Variants in SNAPC1 observed in about 807,000 individuals in gnomAD.
SNAPC1 encodes snRNA-activating protein complex subunit 1.
In SNAPC1, 42 loss-of-function variants were observed where a neutral mutation model predicts 50.1. The ratio of observed to expected loss-of-function variants is 0.84; its 90% CI spans 0.65 to 1.08. The LOEUF (loss-of-function observed/expected upper bound fraction) is 1.08. Ranked by LOEUF, SNAPC1 falls within the 50% of genes least tolerant of loss-of-function variation. The pLI is 0.00. For synonymous variants in SNAPC1, 164 were observed against 144.2 expected, an observed-to-expected ratio of 1.14 and a Z score of -0.98; for missense variants, 477 against 427.3, an observed-to-expected ratio of 1.12 and a Z score of -1.02.
In SNAPC1 at chr14:61,773,791, C is replaced by G. The variant is rs567856373; in HGVS notation, c.535-2304C>G. Among the ~76,000 whole-genome samples, 110 of 151,368 alleles carry G rather than the reference C, an allele frequency of 7.3e-4. 4 individuals are homozygous for G. The South Asian group carries it at 0.022, about 31-fold the overall frequency. ...CTCGGCTCACTGCAGCCTCCACCTC[C>G]CCACCTCCCAGGTTCAAGCGATTCT... is the stretch of plus-strand genomic sequence containing the variant. On this transcript the variant is annotated intron_variant, in intron 4 of 9. Coordinates refer to ENST00000216294, the MANE Select transcript of SNAPC1 (RefSeq NM_003082.4).
chr14:61,766,917 AAGCTTT>A lies in SNAPC1; in HGVS notation c.177_182del (p.Leu61_Ala62del), dbSNP rs1566587004. On this transcript the variant is annotated inframe_deletion, in exon 2 of 10. Coordinates refer to ENST00000216294, the MANE Select transcript of SNAPC1 (RefSeq NM_003082.4). The stretch of plus-strand genomic sequence containing the variant: ...TTAGAAAAGAACATGTTTACAAAAG[AAGCTTT>A]AGCTTTGGCTTGGCGATATTTTTTA... 6.2e-7 allele frequency: 1 copy of A among 1,611,248 alleles called. No homozygotes were observed. Among genetic ancestry groups the A allele is most frequent in the East Asian group, 2.2e-5 (1 of 44,800 alleles).
At chr14:61,768,798 T>G in intron 4 of SNAPC1, 58 bp downstream of exon 4, 1 of 836,136 alleles carries the variant, frequency 1.2e-6, no homozygotes, top group Non-Finnish European at 2.0e-6. Flanking sequence ...GCCAACTACA[T>G]ATTGAGGTTA....
Position 61,762,464 on chromosome 14 carries a change from G to A in SNAPC1, c.4G>A (p.Gly2Arg), listed in dbSNP as rs2044912081. 1.2e-6 allele frequency: 2 copies of A among 1,613,214 alleles called. No individual in the cohort carries two copies. Among genetic ancestry groups the A allele is most frequent in the East Asian group, 2.2e-5 (1 of 44,852 alleles). ...AGGCGTGCGGGCTTCGGGTGCCATG[G>A]GGACTCCTCCCGGCCTGCAGACCGA... MGTPPGLQTDCE... is the reference protein window; with the variant it reads MRTPPGLQTDCE... The change falls in exon 1 of 10, where the codon GGG becomes AGG. Residue 2 changes from glycine (G) to arginine (R), a missense_variant. Gly to Arg is a moderately radical substitution (Grantham distance 125). Coordinates refer to ENST00000216294, the MANE Select transcript of SNAPC1 (RefSeq NM_003082.4).
At chr14:61,779,989 G>A (rs918781273) in intron 7 of SNAPC1, among the ~76,000 whole-genome samples, 12 of 152,170 alleles carry the variant, frequency 7.9e-5, no homozygotes, top group South Asian at 2.1e-4. Context: ...GATTACAGGT[G>A]TGAGCCAGTG....
chr14:61,782,910 C>T (rs2045086930), intron 8 of SNAPC1, among the ~76,000 whole-genome samples: 1 of 149,174 alleles, frequency 6.7e-6, no homozygotes, highest in South Asian at 2.1e-4. Flanking sequence ...TCAAAACAAA[C>T]AAACAAAAAA....
In SNAPC1 at chr14:61,762,524, G is replaced by A; in HGVS notation, c.64G>A (p.Asp22Asn). 2 of 1,513,138 alleles carry A rather than the reference G, an allele frequency of 1.3e-6. No individual in the cohort carries two copies. The highest frequency in any genetic ancestry group is 1.8e-6 in the Non-Finnish European group (2 of 1,137,976). The allele number at this position is 1,513,138 out of a possible 1,614,324, so 93.7% of individuals were successfully genotyped here. Residue 22 changes from aspartate to asparagine, a missense_variant, in exon 1 of 10, where the codon GAC (aspartate) becomes AAC (asparagine). Coordinates refer to ENST00000216294, the MANE Select transcript of SNAPC1 (RefSeq NM_003082.4). Reference sequence around the variant, plus strand: ...GCTGCTCAGCCGCTTCCAGGAGACGGACAGTGTACGCTTCGAGGACTTCAC... The same window carrying A: ...GCTGCTCAGCCGCTTCCAGGAGACGAACAGTGTACGCTTCGAGGACTTCAC... ...EALLSRFQETDSVRFEDFTEL... is the reference protein window; with the variant it reads ...EALLSRFQETNSVRFEDFTEL...
At chr14:61,764,680 GA>G (rs1008169137) in intron 1 of SNAPC1, among the ~76,000 whole-genome samples, 13 of 152,084 alleles carry the variant, frequency 8.5e-5, no homozygotes, top group Non-Finnish European at 1.3e-4. Context: ...TTCTTGGGGG[GA>G]AAAATGCATT....
intron 4 of SNAPC1, among the ~76,000 whole-genome samples, chr14:61,772,605 G>T (rs2045000273): frequency 6.6e-6 from 1 of 152,086 alleles, no homozygotes; most frequent in South Asian, 2.1e-4. Flanking sequence ...GCCCAGGCAG[G>T]TCTTGAACTC....
intron 8 of SNAPC1, among the ~76,000 whole-genome samples, chr14:61,786,304 G>A (rs772558967): frequency 1.4e-4 from 22 of 152,102 alleles, no homozygotes; most frequent in Non-Finnish European, 2.4e-4. Context: ...TGATAAATTG[G>A]CATTCTCAAA....
chr14:61,765,326 A>G (rs1433099115), intron 1 of SNAPC1, among the ~76,000 whole-genome samples: 1 of 152,198 alleles, frequency 6.6e-6, no homozygotes, highest in Non-Finnish European at 1.5e-5. Context: ...TAGAAAGGTT[A>G]TTTTGCCAAG....
intron 8 of SNAPC1, among the ~76,000 whole-genome samples, chr14:61,785,129 G>A (rs114343255): frequency 0.013 from 1,947 of 152,290 alleles, 11 homozygotes; most frequent in Non-Finnish European, 0.019. Context: ...CAGGCCGGGC[G>A]CGGTGGCCCA....
At chr14:61,790,892 A>G (rs1450815755) in intron 8 of SNAPC1, among the ~76,000 whole-genome samples, 2 of 152,214 alleles carry the variant, frequency 1.3e-5, no homozygotes, top group African/African-American at 4.8e-5. Flanking sequence ...GTAGTGGTCT[A>G]TTACTGATCA....
chr14:61,766,567 C>A (rs568245326), intron 1 of SNAPC1, among the ~76,000 whole-genome samples: 2 of 152,340 alleles, frequency 1.3e-5, no homozygotes, highest in South Asian at 4.1e-4. Context: ...GCACATAGTT[C>A]TGTAACATAA....
At chr14:61,770,860 G>T (rs958488344) in intron 4 of SNAPC1, among the ~76,000 whole-genome samples, 1 of 152,048 alleles carries the variant, frequency 6.6e-6, no homozygotes, top group Admixed American at 6.5e-5. Flanking sequence ...TCATGCCTCA[G>T]CCTCTCGAGT....
Position 61,786,410 on chromosome 14 carries a change from G to A in SNAPC1, c.976+4013G>A, listed in dbSNP as rs866536369. On this transcript the variant is annotated intron_variant, in intron 8 of 9. Transcript: ENST00000216294. Reference sequence around the variant, plus strand: ...TTTGCAAACTACTACGCTGATAAAGGTCTTGTATCCAAAATAGTAATATTT... The same window carrying A: ...TTTGCAAACTACTACGCTGATAAAGATCTTGTATCCAAAATAGTAATATTT... Among the ~76,000 whole-genome samples the A allele has an allele frequency of 2.2e-4, 33 of 152,264 alleles. 2 individuals are homozygous for A. In the South Asian group the frequency reaches 4.6e-3, roughly 21 times the overall value.
At chr14:61,769,288 A>G (rs1175871761) in intron 4 of SNAPC1, among the ~76,000 whole-genome samples, 1 of 151,852 alleles carries the variant, frequency 6.6e-6, no homozygotes, top group African/African-American at 2.4e-5. Flanking sequence ...CCCCAGAGGT[A>G]GAGGTTGCAG....
chr14:61,795,087 C>T lies in SNAPC1; in HGVS notation c.*104C>T, dbSNP rs112737836. On this transcript the variant is annotated 3_prime_UTR_variant, in exon 10 of 10. Coordinates refer to ENST00000216294, the MANE Select transcript of SNAPC1 (RefSeq NM_003082.4). ...GACTGCCAGTATTAAAAAAATCCTT[C>T]TGGGAATCTGTAGGTTATTTCTTGG... is the stretch of plus-strand genomic sequence containing the variant. 2.4e-5 allele frequency: 17 copies of T among 708,054 alleles called. No individual in the cohort carries two copies. The highest frequency in any genetic ancestry group is 2.4e-4 in the African/African-American group (13 of 54,218). 43.9% of individuals were successfully genotyped at this position (708,054 alleles called of 1,614,324 possible).
intron 5 of SNAPC1, among the ~76,000 whole-genome samples, chr14:61,777,645 A>G (rs2045044998): frequency 6.8e-6 from 1 of 147,386 alleles, no homozygotes; most frequent in Non-Finnish European, 1.5e-5. Context: ...GGGTCTTGCT[A>G]TGTTGCCCAG....
chr14:61,769,411 T>C (rs886614914), intron 4 of SNAPC1, among the ~76,000 whole-genome samples: 1 of 149,378 alleles, frequency 6.7e-6, no homozygotes, highest in Non-Finnish European at 1.5e-5. Flanking sequence ...TTTTTTTTTT[T>C]TTCTCACACG....
Sources: gnomAD v4.1 joint callset for allele counts (sites outside exome capture counted in the v4.1 genomes callset) on GRCh38, gnomAD v4.1.1 for gene constraint, MANE v1.5 for transcripts, NCBI Gene and HGNC (gene_info 2026-07-23, HGNC 2026-07-21) for gene names.